The following BIRC6 variants were observed in gnomAD, a reference collection of about 807,000 sequenced individuals.
The protein encoded by BIRC6 is baculoviral IAP repeat containing 6, also known as dual E2 ubiquitin-conjugating enzyme/E3 ubiquitin-protein ligase BIRC6.
BIRC6 carries 98 observed loss-of-function variants against 503.3 expected under a neutral mutation model. The observed-to-expected ratio is 0.19, with a 90% CI of 0.17 to 0.23. The LOEUF (loss-of-function observed/expected upper bound fraction) is 0.23, where lower values mean the gene tolerates loss of function less well. Ranked by LOEUF, BIRC6 falls within the 10% of genes least tolerant of loss-of-function variation. The pLI, the probability that BIRC6 is intolerant of heterozygous loss-of-function variation, is 1.00. For missense variants in BIRC6, 5,360 were observed against 5,806.0 expected (o/e 0.92, Z 2.50); for synonymous variants, 2,240 against 2,078.7 (o/e 1.08, Z -2.11).
intron 3 of BIRC6, 79 bp downstream of exon 3, chr2:32,380,369 C>T: frequency 1.4e-6 from 2 of 1,429,738 alleles, no homozygotes; most frequent in Non-Finnish European, 1.8e-6. Flanking sequence ...CCTTTCCTCT[C>T]CTTTTGGAAA....
In BIRC6 at chr2:32,469,527, G is replaced by T. The variant is rs756137614; in HGVS notation, c.6260G>T (p.Gly2087Val). ...HTGLLLVQLC[G>V]GERWWGQFLS... The stretch of plus-strand genomic sequence containing the variant: ...GGTCTTCTTCTTGTTCAACTGTGTG[G>T]TGGTGAAAGGTGGTGGGGTCAATTT... The change falls in exon 30 of 74, where the codon GGT (glycine) becomes GTT (valine). Residue 2087 changes from glycine (G) to valine (V), a missense_variant. Coordinates refer to ENST00000421745, the MANE Select transcript of BIRC6 (RefSeq NM_016252.4). 6.2e-7 allele frequency: 1 copy of T among 1,613,912 alleles called. No homozygotes were observed. Among genetic ancestry groups the T allele is most frequent in the Non-Finnish European group, 8.5e-7 (1 of 1,179,822 alleles).
intron 70 of BIRC6, 183 bp from the exon 71 acceptor site, chr2:32,602,823 C>G: frequency 2.2e-6 from 1 of 464,164 alleles, no homozygotes; most frequent in South Asian, 5.5e-5. Flanking sequence ...TAATGCCTCA[C>G]AAATTTGAAT....
chr2:32,487,736 T>C lies in BIRC6; in HGVS notation c.7903T>C (p.Ser2635Pro). 1 of 1,613,542 alleles carries C rather than the reference T, an allele frequency of 6.2e-7. No individual in the cohort carries two copies. The highest frequency in any genetic ancestry group is 8.5e-7 in the Non-Finnish European group (1 of 1,179,542). Reference protein sequence around the residue: ...QTSQLIIQLSSVPMLNVCFNK... With the variant: ...QTSQLIIQLSPVPMLNVCFNK... ...CAGCCAGCTTATTATACAGTTATCA[T>C]CTGTCCCAATGTTAAATGTTTGTTT... Residue 2635 changes from serine (S) to proline (P), a missense_variant, in exon 41 of 74, where the codon TCT becomes CCT. Ser to Pro is a moderately conservative substitution (Grantham distance 74). This residue lies in a region of BIRC6 where 2,299 missense variants were observed against 2,267.2 expected (regional missense o/e 1.01). Transcript: ENST00000421745.
intron 57 of BIRC6, among the ~76,000 whole-genome samples, chr2:32,519,464 GT>G (rs2055405889): frequency 6.6e-6 from 1 of 152,088 alleles, no homozygotes; most frequent in Admixed American, 6.6e-5. Flanking sequence ...ATATGGGATA[GT>G]TTTTTAAAAA....
intron 1 of BIRC6, among the ~76,000 whole-genome samples, chr2:32,369,672 C>G (rs2035494780): frequency 6.6e-6 from 1 of 151,598 alleles, no homozygotes; most frequent in Non-Finnish European, 1.5e-5. Context: ...AAGTGATCCG[C>G]CCACCTCAGC....
chr2:32,433,711 T>C lies in BIRC6; in HGVS notation c.3316T>C (p.Phe1106Leu), dbSNP rs751002787. The change falls in exon 13 of 74, where the codon TTC (phenylalanine) becomes CTC (leucine). Residue 1106 changes from phenylalanine (F) to leucine (L), a missense_variant. Around this residue, in one of 16 missense-constraint regions of BIRC6, gnomAD observed 2,299 missense variants for 2,267.2 expected, o/e 1.01. Transcript: ENST00000421745. ...AGCTTGTATGGTTGGACATGTGGACTTCAAATTCGTTTTGAACTCAAACAT... is the reference window on the plus strand; with the variant it reads ...AGCTTGTATGGTTGGACATGTGGACCTCAAATTCGTTTTGAACTCAAACAT... ...PKACMVGHVD[F>L]KFVLNSNITN... 6 of 1,606,514 alleles carry C rather than the reference T, an allele frequency of 3.7e-6. No homozygotes were observed. The highest frequency in any genetic ancestry group is 5.1e-6 in the Non-Finnish European group (6 of 1,174,604).
At chr2:32,423,637 T>A (rs2043170016) in intron 10 of BIRC6, among the ~76,000 whole-genome samples, 1 of 152,244 alleles carries the variant, frequency 6.6e-6, no homozygotes, top group African/African-American at 2.4e-5. Flanking sequence ...GGTTCCTTTT[T>A]ATGCCAAATA....
At chr2:32,615,218 AC>A (rs1424360747) in intron 73 of BIRC6, among the ~76,000 whole-genome samples, 1 of 152,188 alleles carries the variant, frequency 6.6e-6, no homozygotes, top group African/African-American at 2.4e-5. Flanking sequence ...CACAGGGATT[AC>A]ATTTCAACAT....
intron 28 of BIRC6, 73 bp downstream of exon 28, chr2:32,468,184 C>G: frequency 6.9e-7 from 1 of 1,449,700 alleles, no homozygotes; most frequent in Non-Finnish European, 9.4e-7. Flanking sequence ...ATAATTCTGT[C>G]AAGAAATGTC....
chr2:32,524,286 T>C (rs1239369765), intron 57 of BIRC6, among the ~76,000 whole-genome samples: 1 of 152,210 alleles, frequency 6.6e-6, no homozygotes, highest in East Asian at 1.9e-4. Flanking sequence ...ACATTAAATT[T>C]TAAAACATAT....
rs901524490 is a variant in BIRC6 at position 32,485,775 on chromosome 2, A to G, written c.7813+16A>G. The G allele has an allele frequency of 6.0e-6, 9 of 1,488,758 alleles. No individual in the cohort carries two copies. The highest frequency in any genetic ancestry group is 4.5e-5 in the East Asian group (2 of 44,204). 92.2% of individuals were successfully genotyped at this position (1,488,758 alleles called of 1,614,324 possible). A position where few individuals can be genotyped will look rare whatever the true frequency, so the allele number is the denominator to read the frequency against. On this transcript the variant is annotated intron_variant, in intron 40 of 73. Transcript: ENST00000421745. Reference sequence around the variant, plus strand: ...TCTCCTACATGTAAGTAAAATGACCATTTTTAGAGTATTGCAGTGAATGAT... The same window carrying G: ...TCTCCTACATGTAAGTAAAATGACCGTTTTTAGAGTATTGCAGTGAATGAT...
At chr2:32,543,636 A>T (rs1322583984) in intron 62 of BIRC6, 95 bp downstream of exon 62, 2 of 1,236,068 alleles carry the variant, frequency 1.6e-6, no homozygotes, top group Non-Finnish European at 2.2e-6. Context: ...TATTTCCTTC[A>T]TAGTTAAGCT....
chr2:32,586,511 C>T (rs1168604187), intron 66 of BIRC6, among the ~76,000 whole-genome samples: 1 of 148,312 alleles, frequency 6.7e-6, no homozygotes, highest in East Asian at 2.0e-4. Context: ...ACTGCAACCT[C>T]CACCACCCAG....
rs530217120 is a variant in BIRC6, at chr2:32,409,340, G to C, written c.1477+2783G>C. 2.6e-5 allele frequency among the ~76,000 whole-genome samples: 4 copies of C among 152,018 alleles called. No homozygotes were observed. In the East Asian group the frequency reaches 5.8e-4, roughly 22 times the overall value. ...ACACCTAATTTTTGTATTTTTTGTA[G>C]AGATAGGGCTTCACCATGTTGGCCA... On this transcript the variant is annotated intron_variant, in intron 9 of 73. Coordinates refer to ENST00000421745, the MANE Select transcript of BIRC6 (RefSeq NM_016252.4).
In BIRC6 at chr2:32,515,407, C is replaced by G. The variant is rs1410804458; in HGVS notation, c.10986C>G (p.Asp3662Glu). Residue 3662 changes from aspartate to glutamate, a missense_variant, in exon 55 of 74, where the codon GAC (aspartate) becomes GAG (glutamate). By Grantham distance (45) the Asp-to-Glu change is conservative (BLOSUM62 2). Coordinates refer to ENST00000421745, the MANE Select transcript of BIRC6 (RefSeq NM_016252.4). ...SIAQSIDISQ[D>E]KLRRHHVPQQ... ...CCCAGTCAATAGATATTTCCCAGGA[C>G]AAACTCAGGCGCCATCATGTCCCAC... The G allele has an allele frequency of 1.2e-6, 2 of 1,613,188 alleles. No homozygotes were observed. Among genetic ancestry groups the G allele is most frequent in the South Asian group, 1.1e-5 (1 of 91,074 alleles).
chr2:32,614,124 T>C (rs1248564510), intron 73 of BIRC6, among the ~76,000 whole-genome samples: 2 of 152,214 alleles, frequency 1.3e-5, no homozygotes, highest in African/African-American at 4.8e-5. Flanking sequence ...CATTTTTCTC[T>C]GTCTTAGAAT....
rs772582424 is a variant in BIRC6 at position 32,617,797 on chromosome 2, G to A, written c.14467G>A (p.Asp4823Asn). 6 of 1,614,010 alleles carry A rather than the reference G, an allele frequency of 3.7e-6. No individual in the cohort carries two copies. The highest frequency in any genetic ancestry group is 1.1e-5 in the South Asian group (1 of 91,072). Residue 4823 changes from aspartate to asparagine, a missense_variant, in exon 74 of 74, where the codon GAT becomes AAT. Asp to Asn is a conservative substitution (Grantham distance 23). Around this residue, in one of 16 missense-constraint regions of BIRC6, gnomAD observed 140 missense variants for 130.2 expected, o/e 1.07. Transcript: ENST00000421745. The stretch of plus-strand genomic sequence containing the variant: ...TGAAGGCTTGGATCCTGACACTGAC[G>A]ATGCCCCAGAGGTGTGCAGAGCCAC... ...CPEGLDPDTDDAPEVCRATTG... is the reference protein window; with the variant it reads ...CPEGLDPDTDNAPEVCRATTG...
intron 16 of BIRC6, among the ~76,000 whole-genome samples, chr2:32,440,538 A>G (rs1016478486): frequency 4.6e-5 from 7 of 152,102 alleles, no homozygotes; most frequent in Non-Finnish European, 1.0e-4. Flanking sequence ...ACTGATACTG[A>G]TCAGTAATAC....
chr2:32,604,452 T>G (rs892429061), intron 71 of BIRC6, among the ~76,000 whole-genome samples: 1 of 152,206 alleles, frequency 6.6e-6, no homozygotes, highest in Non-Finnish European at 1.5e-5. Flanking sequence ...TTATAGCTAT[T>G]AAATAGCTAA....
Sources: gnomAD v4.1 joint callset for allele counts (sites outside exome capture counted in the v4.1 genomes callset) on GRCh38, gnomAD v4.1.1 for gene constraint, gnomAD v4.1.1 regional missense constraint, MANE v1.5 for transcripts, NCBI Gene and HGNC (gene_info 2026-07-23, HGNC 2026-07-21) for gene names.